The following RGS6 variants were observed in gnomAD, a reference collection of about 807,000 sequenced individuals.
The protein encoded by RGS6 is regulator of G-protein signaling 6.
Under a neutral mutation model 78.5 loss-of-function variants are expected in RGS6, and 30 were observed. The observed-to-expected ratio is 0.38, with a 90% CI of 0.29 to 0.52. RGS6 has a LOEUF of 0.52. RGS6 is among the 20% of genes least tolerant of loss of function. The pLI is 0.85. For synonymous variants in RGS6, 206 were observed against 206.0 expected, an observed-to-expected ratio of 1.00 and a Z score of 0.00; for missense variants, 495 against 609.7, an observed-to-expected ratio of 0.81 and a Z score of 1.98.
intron 2 of RGS6, among the ~76,000 whole-genome samples, chr14:72,118,839 G>GCTA (rs2095974804): frequency 6.6e-6 from 1 of 152,210 alleles, no homozygotes; most frequent in Non-Finnish European, 1.5e-5. Context: ...TAGAAAAATA[G>GCTA]GAGTGGTTTT....
At chr14:72,091,383 G>A (rs561351467) in intron 2 of RGS6, among the ~76,000 whole-genome samples, 1 of 152,302 alleles carries the variant, frequency 6.6e-6, no homozygotes, top group South Asian at 2.1e-4. Flanking sequence ...TTTGGAGGGA[G>A]TGGAGCTTTG....
intron 3 of RGS6, among the ~76,000 whole-genome samples, chr14:72,439,732 G>T (rs2095105670): frequency 6.6e-6 from 1 of 152,186 alleles, no homozygotes; most frequent in African/African-American, 2.4e-5. Context: ...TGGGTACAAG[G>T]CTTCAACTGA....
At chr14:72,050,734 C>T (rs187163554) in intron 2 of RGS6, among the ~76,000 whole-genome samples, 17 of 152,316 alleles carry the variant, frequency 1.1e-4, no homozygotes, top group African/African-American at 3.8e-4. Flanking sequence ...TCTTATATCC[C>T]AGTCTTTTTT....
intron 2 of RGS6, among the ~76,000 whole-genome samples, chr14:72,259,772 G>T (rs1014577251): frequency 6.6e-6 from 1 of 151,902 alleles, no homozygotes; most frequent in African/African-American, 2.4e-5. Flanking sequence ...TTAGCCAGGC[G>T]CGGTGGCAGG....
chr14:72,160,373 GACT>G (rs1401304619), intron 2 of RGS6, among the ~76,000 whole-genome samples: 1 of 152,152 alleles, frequency 6.6e-6, no homozygotes, highest in Admixed American at 6.5e-5. Context: ...CATAGGAGAG[GACT>G]ACTATTTGAT....
intron 3 of RGS6, among the ~76,000 whole-genome samples, chr14:72,412,041 G>T (rs1349148284): frequency 6.6e-6 from 1 of 152,092 alleles, no homozygotes; most frequent in Non-Finnish European, 1.5e-5. Context: ...TTTATGTGGT[G>T]TCTCTGCCAG....
chr14:72,229,743 G>A (rs545818080), intron 2 of RGS6, among the ~76,000 whole-genome samples: 23 of 152,268 alleles, frequency 1.5e-4, no homozygotes, highest in African/African-American at 3.1e-4. Context: ...AGCTCCCTTC[G>A]GAGATTCTGG....
Position 72,476,724 on chromosome 14 carries a change from G to A in RGS6, c.694-18G>A. On this transcript the variant is annotated intron_variant, in intron 10 of 17. Coordinates refer to ENST00000553525, the MANE Select transcript of RGS6 (RefSeq NM_001204424.2). ...ATTCTGTGGGTGGATGATCCTCTGT[G>A]CTTGCTTCTTCTCCTAGTCCGTGTA... The A allele has an allele frequency of 6.2e-7, 1 of 1,612,020 alleles. No individual in the cohort carries two copies. The highest frequency in any genetic ancestry group is 8.5e-7 in the Non-Finnish European group (1 of 1,178,280).
intron 3 of RGS6, among the ~76,000 whole-genome samples, chr14:72,441,751 G>T (rs896840943): frequency 1.6e-4 from 24 of 152,320 alleles, no homozygotes; most frequent in African/African-American, 5.5e-4. Context: ...TTTTTGCCGC[G>T]CCCAAAGCAG....
At chr14:71,947,196 G>A (rs2091652611) in intron 1 of RGS6, among the ~76,000 whole-genome samples, 1 of 152,144 alleles carries the variant, frequency 6.6e-6, no homozygotes, top group African/African-American at 2.4e-5. Context: ...GCTGACTGCT[G>A]ACTCCTGGGT....
chr14:71,952,280 G>T (rs1470416803), intron 1 of RGS6, among the ~76,000 whole-genome samples: 1 of 152,096 alleles, frequency 6.6e-6, no homozygotes, highest in African/African-American at 2.4e-5. Flanking sequence ...CCGTTTATCA[G>T]ATCAAGCAAG....
intron 2 of RGS6, among the ~76,000 whole-genome samples, chr14:72,037,252 A>G (rs1279550499): frequency 6.6e-6 from 1 of 152,196 alleles, no homozygotes; most frequent in Admixed American, 6.5e-5. Flanking sequence ...AGCCAGCAGC[A>G]GCAACCTGCT....
intron 13 of RGS6, among the ~76,000 whole-genome samples, chr14:72,506,899 A>G (rs2096808030): frequency 6.9e-6 from 1 of 145,968 alleles, no homozygotes; most frequent in African/African-American, 2.5e-5. Flanking sequence ...CTGTAATCCC[A>G]GCACTTTGGG....
At chr14:72,266,212 G>A (rs1018243638) in intron 2 of RGS6, among the ~76,000 whole-genome samples, 1 of 152,136 alleles carries the variant, frequency 6.6e-6, no homozygotes, top group Admixed American at 6.5e-5. Flanking sequence ...CATGCCTGGC[G>A]CCTTGGTGGG....
At chr14:72,183,054 A>T (rs1211994910) in intron 2 of RGS6, among the ~76,000 whole-genome samples, 1 of 152,250 alleles carries the variant, frequency 6.6e-6, no homozygotes, top group Non-Finnish European at 1.5e-5. Context: ...GTAGATGCTT[A>T]TGCAGATGTG....
rs528986284 is a variant in RGS6, at chr14:72,503,977, G to A, written c.966-6177G>A. ...AGCCCATATTGCAGCTTTCTGTGGG[G>A]ACCCCATCCCAAGTCACTGGGCAGG... On this transcript the variant is annotated intron_variant, in intron 13 of 17. Coordinates refer to ENST00000553525, the MANE Select transcript of RGS6 (RefSeq NM_001204424.2). Among the ~76,000 whole-genome samples the A allele has an allele frequency of 2.0e-3, 304 of 152,336 alleles. 1 individual carries two copies. In the Middle Eastern group the frequency reaches 0.02, roughly 10 times the overall value.
At chr14:72,530,631 C>A (rs1455776960) in intron 15 of RGS6, among the ~76,000 whole-genome samples, 2 of 152,180 alleles carry the variant, frequency 1.3e-5, no homozygotes, top group African/African-American at 2.4e-5. Flanking sequence ...GTGGAGGTTG[C>A]AGTGAGCCAA....
chr14:71,953,868 G>T (rs2092558551), intron 1 of RGS6, among the ~76,000 whole-genome samples: 1 of 150,636 alleles, frequency 6.6e-6, no homozygotes, highest in Non-Finnish European at 1.5e-5. Flanking sequence ...TAGCAGGTTT[G>T]CTGGTGATAA....
intron 5 of RGS6, 51 bp downstream of exon 5, chr14:72,458,428 C>A: frequency 7.4e-7 from 1 of 1,356,776 alleles, no homozygotes; most frequent in Non-Finnish European, 1.1e-6. Flanking sequence ...ACAACATCAT[C>A]TGATCTTAGG....
Sources: gnomAD v4.1 joint callset for allele counts (sites outside exome capture counted in the v4.1 genomes callset) on GRCh38, gnomAD v4.1.1 for gene constraint, MANE v1.5 for transcripts, NCBI Gene and HGNC (gene_info 2026-07-23, HGNC 2026-07-21) for gene names.